NEB: variants seen among roughly 807,000 people sequenced by gnomAD.
NEB encodes the protein nemaline myopathy type 2.
A neutral mutation model predicts 952.2 loss-of-function variants in NEB; 512 were observed. The observed-to-expected ratio is 0.54, with a 90% CI of 0.50 to 0.58. NEB has a LOEUF of 0.58. NEB is among the 20% of genes least tolerant of loss of function. NEB has a pLI of 0.00. For synonymous variants in NEB, 2,900 were observed against 3,149.8 expected (o/e 0.92, Z 2.66); for missense variants, 8,428 against 9,231.1 (o/e 0.91, Z 3.56).
At chr2:151,572,509 A>ATATATATATATAAAATATATATATAAAAG (rs1166167172) in intron 107 of NEB, among the ~76,000 whole-genome samples, 23 of 145,000 alleles carry the variant, frequency 1.6e-4, no homozygotes, top group African/African-American at 2.0e-4. Flanking sequence ...TTGAATATTT[A>ATATATATATATAAAATATATATATAAAAG]TATATATATA....
chr2:151,509,618 T>A (rs576901009), intron 161 of NEB, among the ~76,000 whole-genome samples: 1 of 152,238 alleles, frequency 6.6e-6, no homozygotes, highest in East Asian at 1.9e-4. Context: ...GAGAGGTTTT[T>A]TTTTTGTTTG....
chr2:151,631,297 G>A lies in NEB; in HGVS notation c.9464C>T (p.Pro3155Leu). The A allele has an allele frequency of 6.2e-7, 1 of 1,613,770 alleles. No individual in the cohort carries two copies. Among genetic ancestry groups the A allele is most frequent in the Non-Finnish European group, 8.5e-7 (1 of 1,179,808 alleles). The change falls in exon 66 of 182, where the codon CCC becomes CTC. Residue 3155 changes from proline to leucine, a missense_variant. By Grantham distance (98) the Pro-to-Leu change is moderately conservative. This residue lies in a region of NEB where 1,772 missense variants were observed against 1,960.3 expected (regional missense o/e 0.90). Coordinates refer to ENST00000397345, the MANE Select transcript of NEB (RefSeq NM_001164508.2). ...LQWLRGIGWVPIGSMDVVKCK... is the reference protein window; with the variant it reads ...LQWLRGIGWVLIGSMDVVKCK... ...CTTGACCACATCCATAGACCCAATG[G>A]GGACCCAGCCAATGCCTCTCAGCCA...
rs767734665 is a variant in NEB, at chr2:151,646,179, T to A, written c.7487A>T (p.Asp2496Val). Residue 2496 changes from aspartate to valine, a missense_variant, in exon 55 of 182, where the codon GAT becomes GTT. Physicochemically the swap from Asp to Val is radical, Grantham distance 152. This residue lies in a region of NEB where 1,772 missense variants were observed against 1,960.3 expected (regional missense o/e 0.90). Coordinates refer to ENST00000397345, the MANE Select transcript of NEB (RefSeq NM_001164508.2). The part of the protein sequence containing the change: ...KDKTQIHIMP[D>V]TPDIVLAKAN... ...TTTAGCCAGAACAATGTCAGGTGTA[T>A]CAGGCATGATGTGGATCTGAGTCTT... 3 of 1,604,770 alleles carry A rather than the reference T, an allele frequency of 1.9e-6. No individual in the cohort carries two copies. The highest frequency in any genetic ancestry group is 2.3e-5 in the South Asian group (2 of 88,884).
rs397718862 is a variant in NEB, at chr2:151,717,388, A to AGGC, written c.822+25_822+27dup. ...AATTATTAAGCAGAGTCTTCAAGGG[A>AGGC]GGCAATGTCCCAGCTCTATTTACTT... On this transcript the variant is annotated intron_variant, in intron 10 of 181. Transcript: ENST00000397345. The AGGC allele has an allele frequency of 0.78, 1,107,361 of 1,422,986 alleles. 444,381 individuals are homozygous for AGGC. The highest frequency in any genetic ancestry group is 0.84 in the Admixed American group (49,947 of 59,210). 88.1% of individuals were successfully genotyped at this position (1,422,986 alleles called of 1,614,324 possible).
chr2:151,540,847 GTA>G, intron 136 of NEB, 46 bp from the exon 137 acceptor site: 1 of 1,465,320 alleles, frequency 6.8e-7, no homozygotes. Flanking sequence ...AAAGCATTTA[GTA>G]TTTAGCATTC....
chr2:151,497,807 T>TC (rs1458745011), intron 170 of NEB, 89 bp from the exon 171 acceptor site: 1 of 1,537,196 alleles, frequency 6.5e-7, no homozygotes, highest in Non-Finnish European at 8.7e-7. Flanking sequence ...AACACAGTCA[T>TC]CCAAGGAGCC....
At chr2:151,486,947 G>T (rs1321348480) in intron 181 of NEB, among the ~76,000 whole-genome samples, 3 of 152,162 alleles carry the variant, frequency 2.0e-5, no homozygotes, top group Non-Finnish European at 4.4e-5. Flanking sequence ...TTATGGTGAT[G>T]AAAGTATTCT....
intron 109 of NEB, among the ~76,000 whole-genome samples, 172 bp downstream of exon 109, chr2:151,569,909 C>T (rs2096566999): frequency 6.6e-6 from 1 of 152,050 alleles, no homozygotes; most frequent in Admixed American, 6.5e-5. Flanking sequence ...ATATAAAGTC[C>T]AGGTCCTTCT....
At chr2:151,720,017 A>T (rs1297525284) in intron 9 of NEB, among the ~76,000 whole-genome samples, 1 of 152,140 alleles carries the variant, frequency 6.6e-6, no homozygotes, top group East Asian at 1.9e-4. Context: ...TAAGTATGAC[A>T]TCCTGCCAAG....
chr2:151,629,245 T>C (rs2098604606), intron 68 of NEB, among the ~76,000 whole-genome samples: 2 of 152,208 alleles, frequency 1.3e-5, no homozygotes. Flanking sequence ...GCTCAAAATA[T>C]GGAGATGAAT....
chr2:151,577,953 G>A (rs578224884), intron 105 of NEB, among the ~76,000 whole-genome samples: 1 of 152,270 alleles, frequency 6.6e-6, no homozygotes, highest in East Asian at 1.9e-4. Flanking sequence ...CACATGGTGT[G>A]TTTAATAAGT....
chr2:151,681,442 A>C (rs2099413289), intron 29 of NEB, among the ~76,000 whole-genome samples: 1 of 152,272 alleles, frequency 6.6e-6, no homozygotes. Context: ...ACTTCTAGCT[A>C]CCTTATTCCT....
At chr2:151,627,398 T>A in intron 69 of NEB, 125 bp downstream of exon 69, 1 of 1,466,228 alleles carries the variant, frequency 6.8e-7, no homozygotes, top group Non-Finnish European at 9.2e-7. Context: ...AAGAGTTGCC[T>A]AAAAAATGAG....
intron 124 of NEB, among the ~76,000 whole-genome samples, chr2:151,558,676 T>C (rs1577455482): frequency 6.6e-6 from 1 of 152,076 alleles, no homozygotes; most frequent in African/African-American, 2.4e-5. Flanking sequence ...CTTTGACAAA[T>C]CTGACAAAAA....
chr2:151,655,202 TGTTAC>T lies in NEB; in HGVS notation c.6807+63_6807+67del, dbSNP rs2099075047. On this transcript the variant is annotated intron_variant, in intron 51 of 181. Transcript: ENST00000397345. ...CTTCAACATTTATATCAGTATTTAC[TGTTAC>T]ATTATTTTATAAGTTCATAAGTTTC... 3 of 920,274 alleles carry T rather than the reference TGTTAC, an allele frequency of 3.3e-6. No homozygotes were observed. The East Asian group carries it at 8.2e-5, about 25-fold the overall frequency. The allele number at this position is 920,274 out of a possible 1,614,324, so 57.0% of individuals were successfully genotyped here. A position where few individuals can be genotyped will look rare whatever the true frequency, so the allele number is the denominator to read the frequency against.
At position 151,727,801 on chromosome 2, in the gene NEB, A is replaced by C. The variant is rs2099795609; in HGVS notation, c.184T>G (p.Ser62Ala). 4.3e-6 allele frequency: 7 copies of C among 1,611,996 alleles called. No homozygotes were observed. In the East Asian group the frequency reaches 1.6e-4, roughly 36 times the overall value. Residue 62 changes from serine to alanine, a missense_variant, in exon 5 of 182, where the codon TCA becomes GCA. This residue lies in a region of NEB where 2,851 missense variants were observed against 2,791.5 expected (regional missense o/e 1.02). Transcript: ENST00000397345. ...LAQPALAQPASAKPVERRKVI... is the reference protein window; with the variant it reads ...LAQPALAQPAAAKPVERRKVI... ...TTCCTCCTCTCCACCGGCTTTGCTG[A>C]TGCTGGCTGTGCCAGTGCTGGCTGT...
Position 151,666,404 on chromosome 2 carries a change from A to G in NEB, c.4720-3T>C. On this transcript the variant is annotated splice_region_variant and splice_polypyrimidine_tract_variant and intron_variant, in intron 40 of 181. Coordinates refer to ENST00000397345, the MANE Select transcript of NEB (RefSeq NM_001164508.2). Reference sequence around the variant, plus strand: ...TCGTAGGCCTCCTTATATTTGCACTATTTGAAAACAAAGGGCAAACAGAAG... The same window carrying G: ...TCGTAGGCCTCCTTATATTTGCACTGTTTGAAAACAAAGGGCAAACAGAAG... The G allele has an allele frequency of 6.2e-7, 1 of 1,609,586 alleles. No individual in the cohort carries two copies. The highest frequency in any genetic ancestry group is 8.5e-7 in the Non-Finnish European group (1 of 1,177,254).
At chr2:151,698,031 A>C (rs1210345657) in intron 13 of NEB, among the ~76,000 whole-genome samples, 2 of 152,084 alleles carry the variant, frequency 1.3e-5, no homozygotes, top group Admixed American at 1.3e-4. Context: ...GCGCCATTGC[A>C]CTCCAGCCCG....
intron 154 of NEB, 126 bp from the exon 155 acceptor site, chr2:151,519,195 T>G (rs936522334): frequency 1.1e-5 from 8 of 710,892 alleles, no homozygotes; most frequent in Non-Finnish European, 2.0e-5. Flanking sequence ...TCATACCTCA[T>G]TCATAGTAGC....
Sources: gnomAD v4.1 joint callset for allele counts (sites outside exome capture counted in the v4.1 genomes callset) on GRCh38, gnomAD v4.1.1 for gene constraint, gnomAD v4.1.1 regional missense constraint, MANE v1.5 for transcripts, NCBI Gene and HGNC (gene_info 2026-07-23, HGNC 2026-07-21) for gene names.